TEX9: variants seen among roughly 807,000 people sequenced by gnomAD.
The protein encoded by TEX9 is testis-expressed protein 9.
A neutral mutation model predicts 59.6 loss-of-function variants in TEX9; 74 were observed. That is an observed-to-expected ratio of 1.24 (90% CI 1.03 to 1.51). TEX9 has a LOEUF of 1.51. Ranked by LOEUF, TEX9 falls within the 40% of genes most tolerant of loss-of-function variation. The pLI is 0.00. For missense variants in TEX9, 522 were observed against 447.8 expected (o/e 1.17, Z -1.49); for synonymous variants, 186 against 152.2 (o/e 1.22, Z -1.64).
At chr15:56,365,370 C>T, upstream of TEX9, 5 of 1,537,930 alleles carry the variant, frequency 3.3e-6, no homozygotes, top group African/African-American at 1.4e-5. Context: ...CGTAGGCGCC[C>T]GGGCGGGAGG....
rs1188286862 is a variant in TEX9, at chr15:56,365,701, C to T, written c.119+31C>T. 4 of 1,613,518 alleles carry T rather than the reference C, an allele frequency of 2.5e-6. No individual in the cohort carries two copies. In the Admixed American group the frequency reaches 6.7e-5, roughly 27 times the overall value. On this transcript the variant is annotated intron_variant, in intron 2 of 12. Coordinates refer to ENST00000352903, the Ensembl canonical transcript of TEX9. ...AAATTCGGCGGTTGAACTTTTCCTT[C>T]TTTCTTTCATCTGAATGAGGCTGCT...
At position 56,399,039 on chromosome 15, in the gene TEX9, A is replaced by AT. The variant is rs760923293; in HGVS notation, c.828+4206dup. 9.5e-4 allele frequency among the ~76,000 whole-genome samples: 145 copies of AT among 152,330 alleles called. No individual in the cohort carries two copies. The Middle Eastern group carries it at 0.01, about 11-fold the overall frequency. On this transcript the variant is annotated intron_variant, in intron 9 of 12. Coordinates refer to ENST00000352903, the Ensembl canonical transcript of TEX9. ...GCTCTGGTCTGTAGCTCCCAGTGTG[A>AT]TCAACGCAGAAGACAGGTGATTTCT...
intron 1 of TEX9, among the ~76,000 whole-genome samples, chr15:56,282,949 A>G (rs1279374193): frequency 2.0e-5 from 3 of 152,118 alleles, no homozygotes; most frequent in Non-Finnish European, 2.9e-5. Context: ...AGTGAGGTAA[A>G]AAATAAATTT....
intron 10 of TEX9, among the ~76,000 whole-genome samples, chr15:56,426,622 T>TACAC (rs1310153960): frequency 6.9e-5 from 4 of 58,062 alleles, no homozygotes; most frequent in African/African-American, 2.1e-4. Flanking sequence ...TATATATATA[T>TACAC]ATATACACAC....
chr15:56,427,887 CTAACATTTATAGTGAGA>C, intron 11 of TEX9, 148 bp downstream of exon 11: 2 of 611,316 alleles, frequency 3.3e-6, no homozygotes, highest in Non-Finnish European at 5.4e-6. Flanking sequence ...CATATGAAAT[CTAACATTTATAGTGAGA>C]TATATGTGTC....
chr15:56,337,859 CTG>C (rs781477971), intron 1 of TEX9, among the ~76,000 whole-genome samples: 2 of 152,190 alleles, frequency 1.3e-5, no homozygotes, highest in Non-Finnish European at 2.9e-5. Context: ...TTGCAGGAGT[CTG>C]TGTTTCCCAA....
chr15:56,358,949 C>G (rs1267724271), intron 1 of TEX9, among the ~76,000 whole-genome samples: 1 of 152,168 alleles, frequency 6.6e-6, no homozygotes, highest in Non-Finnish European at 1.5e-5. Flanking sequence ...TGTTAAGTTT[C>G]CTGAGGCCTC....
intron 1 of TEX9, among the ~76,000 whole-genome samples, chr15:56,279,168 G>T (rs2044755092): frequency 6.6e-6 from 1 of 152,008 alleles, no homozygotes; most frequent in Non-Finnish European, 1.5e-5. Flanking sequence ...TGCTTTACTT[G>T]GTGTTTGCAT....
intron 1 of TEX9, among the ~76,000 whole-genome samples, chr15:56,264,520 A>C (rs1313232179): frequency 6.6e-6 from 1 of 152,194 alleles, no homozygotes; most frequent in African/African-American, 2.4e-5. Context: ...TTTTTCTCTC[A>C]GTCTGTTGCT....
chr15:56,362,068 G>A (rs1353472318), upstream of TEX9, among the ~76,000 whole-genome samples: 1 of 152,054 alleles, frequency 6.6e-6, no homozygotes, highest in Non-Finnish European at 1.5e-5. Context: ...GTGTGTTATG[G>A]CTAGAATGTG....
At chr15:56,251,312 C>T (rs1259699417) in intron 1 of TEX9, among the ~76,000 whole-genome samples, 1 of 152,046 alleles carries the variant, frequency 6.6e-6, no homozygotes, top group Non-Finnish European at 1.5e-5. Context: ...CTCAGGTTGT[C>T]GGCCATATCC....
At chr15:56,441,947 G>C (rs1436545444) in intron 12 of TEX9, among the ~76,000 whole-genome samples, 2 of 152,014 alleles carry the variant, frequency 1.3e-5, no homozygotes, top group Non-Finnish European at 2.9e-5. Flanking sequence ...GTGAACCCGG[G>C]AGGCATAGCT....
intron 1 of TEX9, among the ~76,000 whole-genome samples, chr15:56,278,636 C>T (rs1432884051): frequency 6.6e-6 from 1 of 152,174 alleles, no homozygotes; most frequent in Non-Finnish European, 1.5e-5. Flanking sequence ...GACTTTCTCT[C>T]TTAAACACTA....
At chr15:56,260,864 C>A (rs112199465) in intron 1 of TEX9, among the ~76,000 whole-genome samples, 5 of 151,692 alleles carry the variant, frequency 3.3e-5, no homozygotes, top group Admixed American at 2.0e-4. Context: ...CTAAATATAT[C>A]GAAGCTCAAA....
intron 3 of TEX9, among the ~76,000 whole-genome samples, chr15:56,375,231 A>G (rs916450405): frequency 6.6e-6 from 1 of 152,052 alleles, no homozygotes; most frequent in African/African-American, 2.4e-5. Flanking sequence ...ATGGTATCTC[A>G]TTGTGGTTTT....
At chr15:56,333,649 A>G (rs2046203000) in intron 1 of TEX9, among the ~76,000 whole-genome samples, 1 of 152,178 alleles carries the variant, frequency 6.6e-6, no homozygotes, top group South Asian at 2.1e-4. Context: ...CCTGTTATTC[A>G]ACATAGTACT....
At chr15:56,329,593 G>A (rs2046099022) in intron 1 of TEX9, among the ~76,000 whole-genome samples, 1 of 151,970 alleles carries the variant, frequency 6.6e-6, no homozygotes, top group Non-Finnish European at 1.5e-5. Flanking sequence ...CAAAGAGATG[G>A]AAATAGTTAA....
intron 1 of TEX9, among the ~76,000 whole-genome samples, chr15:56,254,464 A>G (rs560109372): frequency 1.8e-4 from 28 of 151,886 alleles, no homozygotes; most frequent in African/African-American, 6.5e-4. Context: ...TCTGAGAGCC[A>G]ACAGACAGAA....
intron 1 of TEX9, among the ~76,000 whole-genome samples, chr15:56,319,581 T>C (rs1350788056): frequency 6.6e-6 from 1 of 152,208 alleles, no homozygotes; most frequent in African/African-American, 2.4e-5. Flanking sequence ...ATTTCAGTTT[T>C]AATGTTGAAA....
Sources: allele counts gnomAD v4.1 joint callset (sites outside exome capture counted in the v4.1 genomes callset), GRCh38; gene constraint gnomAD v4.1.1; transcripts MANE v1.5; gene names NCBI Gene and HGNC (gene_info 2026-07-23, HGNC 2026-07-21).